The following SPECC1 variants were observed in gnomAD, a reference collection of about 807,000 sequenced individuals.
SPECC1 encodes cytospin-B.
A neutral mutation model predicts 104.1 loss-of-function variants in SPECC1; 62 were observed. That is an observed-to-expected ratio of 0.60 (90% CI 0.49 to 0.74). The LOEUF is 0.74. SPECC1 is among the 30% of genes least tolerant of loss of function. SPECC1 has a pLI of 0.00. For missense variants in SPECC1, 1,306 were observed against 1,310.5 expected (o/e 1.00, Z 0.05); for synonymous variants, 513 against 501.6 (o/e 1.02, Z -0.30).
intron 12 of SPECC1, among the ~76,000 whole-genome samples, chr17:20,280,212 C>T (rs554230024): frequency 2.6e-5 from 4 of 152,256 alleles, no homozygotes; most frequent in African/African-American, 4.8e-5. Context: ...AACAAAGTAG[C>T]GAATGGTGAT....
intron 3 of SPECC1, among the ~76,000 whole-genome samples, chr17:20,179,580 A>G (rs184496930): frequency 6.6e-6 from 1 of 152,348 alleles, no homozygotes; most frequent in African/African-American, 2.4e-5. Flanking sequence ...GAAGGGTTCA[A>G]AAGCTAGGTA....
At chr17:20,177,242 G>C (rs1337563927) in intron 3 of SPECC1, among the ~76,000 whole-genome samples, 2 of 152,234 alleles carry the variant, frequency 1.3e-5, no homozygotes, top group African/African-American at 2.4e-5. Context: ...ATATTGAGGA[G>C]AGTGGTAGGC....
At chr17:20,130,267 TC>T (rs1016350347) in intron 3 of SPECC1, among the ~76,000 whole-genome samples, 3 of 152,062 alleles carry the variant, frequency 2.0e-5, no homozygotes, top group African/African-American at 7.2e-5. Flanking sequence ...TTTGTGAAAA[TC>T]AGTTGGGGCT....
intron 3 of SPECC1, among the ~76,000 whole-genome samples, chr17:20,157,131 C>T (rs977425413): frequency 6.6e-6 from 1 of 152,152 alleles, no homozygotes; most frequent in Non-Finnish European, 1.5e-5. Flanking sequence ...TGACCTTTTC[C>T]GGAGCTGGGT....
intron 1 of SPECC1, among the ~76,000 whole-genome samples, chr17:20,036,890 G>T (rs9909544): frequency 0.069 from 10,529 of 152,194 alleles, 993 homozygotes; most frequent in African/African-American, 0.21. Context: ...GTTCCTGATC[G>T]TAGGGGAAAG....
intron 4 of SPECC1, among the ~76,000 whole-genome samples, chr17:20,213,498 C>T (rs2037294693): frequency 6.6e-6 from 1 of 152,210 alleles, no homozygotes; most frequent in Non-Finnish European, 1.5e-5. Flanking sequence ...TTGTCACTGT[C>T]ATCTTAAGGC....
At chr17:20,048,713 C>T (rs1211866469) in intron 1 of SPECC1, among the ~76,000 whole-genome samples, 1 of 151,836 alleles carries the variant, frequency 6.6e-6, no homozygotes, top group Non-Finnish European at 1.5e-5. Flanking sequence ...TGACATTAGC[C>T]TGGGCAACAT....
intron 3 of SPECC1, among the ~76,000 whole-genome samples, chr17:20,127,692 G>A (rs2049390268): frequency 1.2e-4 from 18 of 152,188 alleles, no homozygotes; most frequent in Admixed American, 1.2e-3. Flanking sequence ...ATTAAAGCCT[G>A]AAGTGCAATT....
chr17:20,290,139 A>G (rs2041113620), intron 12 of SPECC1: 3 of 150,754 alleles, frequency 2.0e-5, no homozygotes. Context: ...GAGGCACTGG[A>G]CTCTCAGAGC....
intron 7 of SPECC1, chr17:20,238,274 T>G: frequency 2.9e-6 from 3 of 1,041,082 alleles, no homozygotes; most frequent in Non-Finnish European, 3.5e-6. Flanking sequence ...GTTTCATGGA[T>G]GAAACTCACC....
chr17:20,021,675 A>AT lies in SPECC1; in HGVS notation c.-22+12251_-22+12252insT, dbSNP rs56298485. 1.9e-4 allele frequency among the ~76,000 whole-genome samples: 26 copies of AT among 139,942 alleles called. No individual in the cohort carries two copies. The East Asian group carries it at 5.6e-3, about 30-fold the overall frequency. The allele number at this position is 139,942 out of a possible 152,430, so 91.8% of individuals were successfully genotyped here. A position where few individuals can be genotyped will look rare whatever the true frequency, so the allele number is the denominator to read the frequency against. On this transcript the variant is annotated intron_variant, in intron 1 of 14. Transcript: ENST00000395527. ...CCAAGGCTCTGATATATATATATAT[A>AT]ATATAATAATATATATATATATATA... is the stretch of plus-strand genomic sequence containing the variant.
At chr17:20,137,921 T>C (rs1338424925) in intron 3 of SPECC1, among the ~76,000 whole-genome samples, 1 of 151,984 alleles carries the variant, frequency 6.6e-6, no homozygotes, top group African/African-American at 2.4e-5. Flanking sequence ...CCCTTCCACC[T>C]CCCAAAGTAC....
chr17:20,085,976 C>T (rs567736649), intron 1 of SPECC1, among the ~76,000 whole-genome samples: 1 of 152,352 alleles, frequency 6.6e-6, no homozygotes, highest in Admixed American at 6.5e-5. Context: ...GTGTTCCCCT[C>T]TTTTCTTCCT....
At chr17:20,136,639 A>T (rs2030013489) in intron 3 of SPECC1, among the ~76,000 whole-genome samples, 1 of 152,192 alleles carries the variant, frequency 6.6e-6, no homozygotes, top group Non-Finnish European at 1.5e-5. Context: ...AGAACTATTC[A>T]GTGTGTCTGG....
chr17:20,193,732 A>G (rs970962077), intron 3 of SPECC1, among the ~76,000 whole-genome samples: 6 of 152,220 alleles, frequency 3.9e-5, no homozygotes, highest in Non-Finnish European at 8.8e-5. Flanking sequence ...GTAAAGCAAA[A>G]TAAGTAAAGT....
At chr17:20,014,356 G>T (rs1049619557) in intron 1 of SPECC1, among the ~76,000 whole-genome samples, 4 of 151,968 alleles carry the variant, frequency 2.6e-5, no homozygotes, top group Non-Finnish European at 5.9e-5. Flanking sequence ...AAATTTTTGG[G>T]TTTTCATACA....
chr17:20,142,623 G>C lies in SPECC1; in HGVS notation c.283+32061G>C, dbSNP rs149556829. Among the ~76,000 whole-genome samples, 507 of 152,318 alleles carry C rather than the reference G, an allele frequency of 3.3e-3. 3 individuals are homozygous for C. The highest frequency in any genetic ancestry group is 0.011 in the African/African-American group (468 of 41,578). ...ATCCATAGAGACAGAAAGTTGAATGGTGATTGCCAGCGGCTGCGGGAGGAG... is the reference window on the plus strand; with the variant it reads ...ATCCATAGAGACAGAAAGTTGAATGCTGATTGCCAGCGGCTGCGGGAGGAG... On this transcript the variant is annotated intron_variant, in intron 3 of 14. Coordinates refer to ENST00000395527, the MANE Select transcript of SPECC1 (RefSeq NM_001243439.2).
chr17:20,205,054 A>G lies in SPECC1; in HGVS notation c.1005A>G (p.Thr335=). ...ATGCTTCCGACTTTGAGCACATTAC[A>G]GCAGAGACACCCTCAAGGCCCCTGT... ...SPDASDFEHI[T]AETPSRPLSS... The change falls in exon 4 of 15, where the codon ACA becomes ACG. Residue 335 remains threonine, a synonymous_variant. Transcript: ENST00000395527. 1 of 1,614,216 alleles carries G rather than the reference A, an allele frequency of 6.2e-7. No homozygotes were observed. Among genetic ancestry groups the G allele is most frequent in the Non-Finnish European group, 8.5e-7 (1 of 1,180,034 alleles).
At chr17:20,182,118 TC>T (rs2034939268) in intron 3 of SPECC1, among the ~76,000 whole-genome samples, 3 of 86,822 alleles carry the variant, frequency 3.5e-5, no homozygotes, top group African/African-American at 2.0e-4. Context: ...TCTTTCTTTT[TC>T]TTTTTTTTTT....
Sources: gnomAD v4.1 joint callset for allele counts (sites outside exome capture counted in the v4.1 genomes callset) on GRCh38, gnomAD v4.1.1 for gene constraint, MANE v1.5 for transcripts, NCBI Gene and HGNC (gene_info 2026-07-23, HGNC 2026-07-21) for gene names.